The following AVEN variants were observed in gnomAD, a reference collection of about 807,000 sequenced individuals.
AVEN encodes the protein cell death regulator Aven.
In AVEN, 41 loss-of-function variants were observed where a neutral mutation model predicts 38.1. That is an observed-to-expected ratio of 1.08 (90% CI 0.84 to 1.40). The LOEUF (loss-of-function observed/expected upper bound fraction) is 1.40. Among genes scored for constraint, AVEN ranks in the 40% most tolerant of loss-of-function variants. The probability of loss-of-function intolerance (pLI) is 0.00; values close to 1 mark genes in which losing one functional copy is unlikely to be tolerated. For missense variants in AVEN, 605 were observed against 438.8 expected (o/e 1.38, Z -3.38); for synonymous variants, 206 against 171.8 (o/e 1.20, Z -1.56).
At chr15:33,951,892 A>G (rs1312068736) in intron 2 of AVEN, among the ~76,000 whole-genome samples, 12 of 152,212 alleles carry the variant, frequency 7.9e-5, no homozygotes, top group African/African-American at 2.4e-4. Context: ...AGATGCTTCT[A>G]TTTCTCAGAG....
chr15:33,911,142 C>G (rs1238578411), intron 2 of AVEN, among the ~76,000 whole-genome samples: 1 of 152,170 alleles, frequency 6.6e-6, no homozygotes, highest in Non-Finnish European at 1.5e-5. Flanking sequence ...TCAAGACCAA[C>G]TCCAGCACCA....
At chr15:33,902,009 G>A (rs1054178551) in intron 2 of AVEN, among the ~76,000 whole-genome samples, 3 of 151,960 alleles carry the variant, frequency 2.0e-5, no homozygotes, top group East Asian at 1.9e-4. Context: ...TGTTTGTTTT[G>A]CTGTGCAGAA....
At chr15:33,957,224 C>CT (rs2140461910) in intron 2 of AVEN, among the ~76,000 whole-genome samples, 1 of 152,252 alleles carries the variant, frequency 6.6e-6, no homozygotes, top group South Asian at 2.1e-4. Context: ...TTTCAATTCT[C>CT]TTAGGATTTG....
chr15:33,855,451 G>A (rs895328746), downstream of AVEN, among the ~76,000 whole-genome samples: 17 of 152,196 alleles, frequency 1.1e-4, no homozygotes, highest in Middle Eastern at 3.2e-3. Context: ...TGATCCACCC[G>A]CCTCGGCCTC....
chr15:34,001,301 C>T (rs1420839774), intron 2 of AVEN, among the ~76,000 whole-genome samples: 3 of 152,012 alleles, frequency 2.0e-5, no homozygotes, highest in Non-Finnish European at 4.4e-5. Context: ...GGATTACAGG[C>T]GTGAGCCACC....
At chr15:33,927,321 T>C (rs1893655148) in intron 2 of AVEN, among the ~76,000 whole-genome samples, 1 of 152,094 alleles carries the variant, frequency 6.6e-6, no homozygotes, top group Admixed American at 6.6e-5. Context: ...ATATGTTAAG[T>C]GCTCTTAACA....
At chr15:33,897,407 C>G (rs546614060) in intron 2 of AVEN, among the ~76,000 whole-genome samples, 9 of 152,168 alleles carry the variant, frequency 5.9e-5, no homozygotes, top group African/African-American at 2.2e-4. Flanking sequence ...AAGCAATTCT[C>G]CTGCCTCAGC....
chr15:33,977,938 CAG>C (rs1333846107), intron 2 of AVEN, among the ~76,000 whole-genome samples: 3 of 109,454 alleles, frequency 2.7e-5, no homozygotes, highest in African/African-American at 1.1e-4. Flanking sequence ...CCTGTCAAAA[CAG>C]AGAAAAAAGA....
At chr15:33,969,694 A>T (rs907048396) in intron 2 of AVEN, among the ~76,000 whole-genome samples, 6 of 152,128 alleles carry the variant, frequency 3.9e-5, no homozygotes, top group Admixed American at 3.3e-4. Flanking sequence ...CTCTTGTAGG[A>T]TAGGGCTAAT....
At chr15:33,977,761 G>C (rs1419717940) in intron 2 of AVEN, among the ~76,000 whole-genome samples, 2 of 152,022 alleles carry the variant, frequency 1.3e-5, no homozygotes, top group African/African-American at 4.8e-5. Flanking sequence ...TGGCAAAACA[G>C]CCAGGTTTGA....
In AVEN at chr15:33,961,799, T is replaced by C. The variant is rs538684924; in HGVS notation, c.445+41233A>G. Reference sequence around the variant, plus strand: ...CTGCACTCCAGCCTGGGCGACAGAGTGAGACTCTGTCTCAAAAAAAAAAAA... The same window carrying C: ...CTGCACTCCAGCCTGGGCGACAGAGCGAGACTCTGTCTCAAAAAAAAAAAA... On this transcript the variant is annotated intron_variant, in intron 2 of 5. Transcript: ENST00000306730. Among the ~76,000 whole-genome samples, 403 of 101,364 alleles carry C rather than the reference T, an allele frequency of 4.0e-3. 1 individual carries two copies. Among genetic ancestry groups the C allele is most frequent in the South Asian group, 0.013 (40 of 3,002 alleles). 66.5% of individuals were successfully genotyped at this position (101,364 alleles called of 152,430 possible).
intron 2 of AVEN, among the ~76,000 whole-genome samples, chr15:33,901,610 A>C (rs1186962350): frequency 6.6e-6 from 1 of 152,198 alleles, no homozygotes; most frequent in East Asian, 1.9e-4. Flanking sequence ...CATAATGGCT[A>C]TACCAATCCA....
intron 1 of AVEN, among the ~76,000 whole-genome samples, chr15:34,006,332 G>A (rs1016285238): frequency 6.0e-5 from 9 of 150,688 alleles, no homozygotes; most frequent in African/African-American, 2.2e-4. Flanking sequence ...AAACAGCCTT[G>A]TAACTGATGA....
intron 1 of AVEN, among the ~76,000 whole-genome samples, chr15:34,013,666 T>C (rs575048275): frequency 6.6e-6 from 1 of 152,104 alleles, no homozygotes; most frequent in Non-Finnish European, 1.5e-5. Flanking sequence ...GAAGTAAACA[T>C]ATATAGTGTG....
chr15:33,875,777 T>C, intron 3 of AVEN, 148 bp downstream of exon 3: 2 of 696,558 alleles, frequency 2.9e-6, no homozygotes, highest in Non-Finnish European at 4.5e-6. Context: ...TTCAGCCCCC[T>C]GAAAATTTTC....
chr15:34,075,181 C>CAA (rs58860397), upstream of AVEN, among the ~76,000 whole-genome samples: 16,084 of 66,658 alleles, frequency 0.24, 1,943 homozygotes, highest in Non-Finnish European at 0.3. Context: ...GACTCTGGCT[C>CAA]AAAAAAAAAA....
intron 2 of AVEN, among the ~76,000 whole-genome samples, chr15:33,999,385 T>C (rs1347969339): frequency 6.6e-6 from 1 of 152,216 alleles, no homozygotes; most frequent in Non-Finnish European, 1.5e-5. Context: ...CACATACCTT[T>C]GTAAATGATT....
chr15:34,050,468 A>T (rs1899893325), intron 5 of AVEN, among the ~76,000 whole-genome samples: 1 of 152,214 alleles, frequency 6.6e-6, no homozygotes, highest in Non-Finnish European at 1.5e-5. Flanking sequence ...ACCAGCTAGC[A>T]TCATGATGAC....
chr15:33,954,507 A>G (rs1178067014), intron 2 of AVEN, among the ~76,000 whole-genome samples: 2 of 152,146 alleles, frequency 1.3e-5, no homozygotes, highest in Admixed American at 1.3e-4. Flanking sequence ...TTGCAGGGAC[A>G]TGGATGAAGC....
Sources: allele counts gnomAD v4.1 joint callset (sites outside exome capture counted in the v4.1 genomes callset), GRCh38; gene constraint gnomAD v4.1.1; transcripts MANE v1.5; gene names NCBI Gene and HGNC (gene_info 2026-07-23, HGNC 2026-07-21).